INPP4B: variants seen among roughly 807,000 people sequenced by gnomAD.
The protein encoded by INPP4B is inositol polyphosphate-4-phosphatase type II B.
INPP4B carries 55 observed loss-of-function variants against 122.5 expected under a neutral mutation model. The ratio of observed to expected loss-of-function variants is 0.45; its 90% confidence interval spans 0.36 to 0.56. The LOEUF (loss-of-function observed/expected upper bound fraction) is 0.56, where lower values mean the gene tolerates loss of function less well. Among genes scored for constraint, INPP4B ranks in the 20% least tolerant of loss-of-function variants. INPP4B has a pLI of 0.00. For synonymous variants in INPP4B, 403 were observed against 388.7 expected, an observed-to-expected ratio of 1.04 and a Z score of -0.43; for missense variants, 1,000 against 1,097.7, an observed-to-expected ratio of 0.91 and a Z score of 1.26.
chr4:142,480,385 C>G (rs1244557741), intron 2 of INPP4B, among the ~76,000 whole-genome samples: 1 of 152,080 alleles, frequency 6.6e-6, no homozygotes, highest in African/African-American at 2.4e-5. Context: ...GAGAGAGACC[C>G]CACCACACTG....
chr4:142,139,570 G>A (rs1026860367), intron 18 of INPP4B, among the ~76,000 whole-genome samples: 7 of 152,144 alleles, frequency 4.6e-5, no homozygotes, highest in Non-Finnish European at 8.8e-5. Context: ...GCCTCCCAAA[G>A]TGCTGGGATT....
At chr4:142,456,326 G>C (rs1815414385) in intron 3 of INPP4B, among the ~76,000 whole-genome samples, 1 of 151,942 alleles carries the variant, frequency 6.6e-6, no homozygotes, top group Admixed American at 6.6e-5. Context: ...TTTGTATATG[G>C]TGAGAGATAG....
At chr4:142,734,444 T>C (rs979336754) in intron 1 of INPP4B, among the ~76,000 whole-genome samples, 1 of 152,214 alleles carries the variant, frequency 6.6e-6, no homozygotes, top group Non-Finnish European at 1.5e-5. Flanking sequence ...AAAGAGGACA[T>C]GAGGAGAGTC....
chr4:142,776,644 A>ACACC (rs1222648153), intron 1 of INPP4B, among the ~76,000 whole-genome samples: 1 of 152,170 alleles, frequency 6.6e-6, no homozygotes, highest in African/African-American at 2.4e-5. Context: ...TAGAAAATAG[A>ACACC]CACCCAAGTC....
chr4:142,098,062 G>T (rs1373801351), intron 23 of INPP4B, among the ~76,000 whole-genome samples: 1 of 152,128 alleles, frequency 6.6e-6, no homozygotes, highest in Non-Finnish European at 1.5e-5. Flanking sequence ...ATTTTAAAGA[G>T]GGTGTTTAAG....
chr4:142,504,411 T>C (rs1823751562), intron 2 of INPP4B, among the ~76,000 whole-genome samples: 1 of 152,142 alleles, frequency 6.6e-6, no homozygotes, highest in South Asian at 2.1e-4. Context: ...GAGTGTGAAG[T>C]GTGAAGATGA....
chr4:142,149,948 T>C (rs1812911696), intron 17 of INPP4B, among the ~76,000 whole-genome samples: 1 of 152,186 alleles, frequency 6.6e-6, no homozygotes. Flanking sequence ...GAGTACATGA[T>C]AGTCAATTAT....
chr4:142,842,010 T>C (rs568182109), intron 1 of INPP4B, among the ~76,000 whole-genome samples: 45 of 151,992 alleles, frequency 3.0e-4, no homozygotes, highest in Non-Finnish European at 5.0e-4. Flanking sequence ...GACAGATAGA[T>C]AGATACAGGC....
chr4:142,330,551 GCGCA>G (rs1198180197), intron 7 of INPP4B, among the ~76,000 whole-genome samples: 1 of 151,896 alleles, frequency 6.6e-6, no homozygotes, highest in East Asian at 1.9e-4. Context: ...ACACATACAC[GCGCA>G]CGCACACACA....
intron 2 of INPP4B, among the ~76,000 whole-genome samples, chr4:142,486,590 C>A (rs934049282): frequency 2.0e-5 from 3 of 151,988 alleles, no homozygotes; most frequent in Non-Finnish European, 4.4e-5. Context: ...TGGTTTCTTT[C>A]AAAAATCAGA....
intron 2 of INPP4B, chr4:142,654,375 A>AAAC (rs1753705422): frequency 6.6e-6 from 1 of 150,952 alleles, no homozygotes; most frequent in African/African-American, 2.4e-5. Flanking sequence ...TATAAAAAAA[A>AAAC]AAAAAAAAAA....
At chr4:142,504,513 A>G (rs937993380) in intron 2 of INPP4B, among the ~76,000 whole-genome samples, 1 of 152,188 alleles carries the variant, frequency 6.6e-6, no homozygotes, top group African/African-American at 2.4e-5. Flanking sequence ...GTCCTAGTGC[A>G]TTAATAGTTA....
chr4:142,655,473 A>T (rs1022055484), intron 2 of INPP4B, among the ~76,000 whole-genome samples: 1 of 152,210 alleles, frequency 6.6e-6, no homozygotes, highest in Non-Finnish European at 1.5e-5. Flanking sequence ...TTTGCCTCCA[A>T]AATTATCTGT....
intron 9 of INPP4B, among the ~76,000 whole-genome samples, chr4:142,305,253 A>G (rs1443100942): frequency 6.6e-6 from 1 of 152,192 alleles, no homozygotes; most frequent in South Asian, 2.1e-4. Flanking sequence ...ATAAGGGCTA[A>G]TAACATTTCA....
At chr4:142,134,858 G>A (rs1272134953) in intron 18 of INPP4B, among the ~76,000 whole-genome samples, 2 of 143,958 alleles carry the variant, frequency 1.4e-5, no homozygotes, top group Non-Finnish European at 3.0e-5. Flanking sequence ...ACTTTTTAAA[G>A]CTTCATTCAT....
At chr4:142,611,309 C>T (rs1026017868) in intron 2 of INPP4B, among the ~76,000 whole-genome samples, 8 of 152,142 alleles carry the variant, frequency 5.3e-5, no homozygotes, top group South Asian at 2.1e-4. Context: ...AGCCAGGTTC[C>T]GCCTCCAACA....
intron 2 of INPP4B, among the ~76,000 whole-genome samples, chr4:142,704,312 C>A (rs907040136): frequency 2.0e-5 from 3 of 152,176 alleles, no homozygotes; most frequent in Non-Finnish European, 2.9e-5. Context: ...CAGTAAAGAA[C>A]TTCTGCCACA....
At chr4:142,638,692 C>T (rs1275364977) in intron 2 of INPP4B, among the ~76,000 whole-genome samples, 3 of 151,872 alleles carry the variant, frequency 2.0e-5, no homozygotes, top group Admixed American at 6.6e-5. Flanking sequence ...ACTACAGGTG[C>T]CCGCCACCAT....
At chr4:142,793,169 G>A (rs1172314172) in intron 1 of INPP4B, among the ~76,000 whole-genome samples, 1 of 152,112 alleles carries the variant, frequency 6.6e-6, no homozygotes, top group African/African-American at 2.4e-5. Flanking sequence ...CCACAAGGAT[G>A]TTTTGCTTCT....
Sources: gnomAD v4.1 joint callset for allele counts (sites outside exome capture counted in the v4.1 genomes callset) on GRCh38, gnomAD v4.1.1 for gene constraint, MANE v1.5 for transcripts, NCBI Gene and HGNC (gene_info 2026-07-23, HGNC 2026-07-21) for gene names.